Variants in NLGN1 observed in about 807,000 individuals in gnomAD.
NLGN1 encodes the protein neuroligin 1.
Under a neutral mutation model 65.5 loss-of-function variants are expected in NLGN1, and 12 were observed. That is an observed-to-expected ratio of 0.18 (90% confidence interval 0.12 to 0.30). The LOEUF (loss-of-function observed/expected upper bound fraction) is 0.30, where lower values mean the gene tolerates loss of function less well. Among genes scored for constraint, NLGN1 ranks in the 10% least tolerant of loss-of-function variants. The probability of loss-of-function intolerance (pLI) is 1.00; values close to 1 mark genes in which losing one functional copy is unlikely to be tolerated. For missense variants in NLGN1, 750 were observed against 1,007.1 expected, an observed-to-expected ratio of 0.74 and a Z score of 3.46; for synonymous variants, 350 against 359.5, an observed-to-expected ratio of 0.97 and a Z score of 0.30.
intron 4 of NLGN1, among the ~76,000 whole-genome samples, chr3:174,168,632 T>G (rs1176104039): frequency 1.3e-5 from 2 of 152,116 alleles, no homozygotes; most frequent in Non-Finnish European, 2.9e-5. Flanking sequence ...TACTTGATTC[T>G]TAGTTATTTG....
Position 173,940,630 on chromosome 3 carries a change from T to C in NLGN1, c.646+132798T>C, listed in dbSNP as rs1745919444. ...GTGCCAAAACAAGAATGAAGGAGTCTGACCCATCTGAGAACATTTGCACAT... is the reference window on the plus strand; with the variant it reads ...GTGCCAAAACAAGAATGAAGGAGTCCGACCCATCTGAGAACATTTGCACAT... On this transcript the variant is annotated intron_variant, in intron 4 of 6. Transcript: ENST00000457714. Among the ~76,000 whole-genome samples, 5 of 152,314 alleles carry C rather than the reference T, an allele frequency of 3.3e-5. No individual in the cohort carries two copies. The South Asian group carries it at 1.0e-3, about 32-fold the overall frequency.
chr3:173,982,998 C>G (rs1442740166), intron 4 of NLGN1, among the ~76,000 whole-genome samples: 1 of 151,994 alleles, frequency 6.6e-6, no homozygotes, highest in Non-Finnish European at 1.5e-5. Flanking sequence ...CACATTTTTT[C>G]TCATAAAAAA....
At chr3:174,263,776 T>C (rs1244969556) in intron 4 of NLGN1, among the ~76,000 whole-genome samples, 1 of 151,892 alleles carries the variant, frequency 6.6e-6, no homozygotes, top group Non-Finnish European at 1.5e-5. Flanking sequence ...TTCTTCCTAG[T>C]CTTGATGGTC....
At chr3:173,516,121 T>A (rs1047355072) in intron 2 of NLGN1, among the ~76,000 whole-genome samples, 1 of 152,088 alleles carries the variant, frequency 6.6e-6, no homozygotes, top group Admixed American at 6.6e-5. Flanking sequence ...GAATGTACCA[T>A]CTTGGGTGCT....
chr3:173,675,452 A>G (rs566024782), intron 3 of NLGN1, among the ~76,000 whole-genome samples: 9 of 152,256 alleles, frequency 5.9e-5, no homozygotes, highest in African/African-American at 2.2e-4. Context: ...ATTAAAACAA[A>G]CAAACAAAGA....
chr3:174,025,624 G>A (rs1025217574), intron 4 of NLGN1, among the ~76,000 whole-genome samples: 5 of 152,026 alleles, frequency 3.3e-5, no homozygotes, highest in Non-Finnish European at 7.4e-5. Flanking sequence ...AAACTTGCTA[G>A]TAAATAGGAA....
chr3:173,887,951 A>C (rs987815949), intron 4 of NLGN1, among the ~76,000 whole-genome samples: 1 of 152,042 alleles, frequency 6.6e-6, no homozygotes, highest in Admixed American at 6.6e-5. Context: ...ACTTTAATTG[A>C]AACTTTCTAA....
At chr3:174,120,497 ACT>A (rs1406348236) in intron 4 of NLGN1, among the ~76,000 whole-genome samples, 2 of 150,518 alleles carry the variant, frequency 1.3e-5, no homozygotes, top group African/African-American at 2.5e-5. Flanking sequence ...ACAGAGCAAG[ACT>A]CTGTCTCAAA....
intron 3 of NLGN1, among the ~76,000 whole-genome samples, chr3:173,755,092 T>C (rs12637588): frequency 0.71 from 108,400 of 151,966 alleles, 39,587 homozygotes; most frequent in East Asian, 0.93. Context: ...ACAATATTTT[T>C]CTTAGAAAAG....
At chr3:173,510,762 G>A (rs983770048) in intron 2 of NLGN1, among the ~76,000 whole-genome samples, 11 of 152,088 alleles carry the variant, frequency 7.2e-5, no homozygotes, top group African/African-American at 1.4e-4. Context: ...AGATGAGAAG[G>A]CCCTAGAGAG....
At chr3:173,638,253 C>A (rs1048686089) in intron 3 of NLGN1, among the ~76,000 whole-genome samples, 5 of 149,946 alleles carry the variant, frequency 3.3e-5, no homozygotes, top group Admixed American at 6.7e-5. Context: ...TTTGATGTTC[C>A]AGGCTGAGGA....
chr3:174,187,615 G>T (rs1162756371), intron 4 of NLGN1, among the ~76,000 whole-genome samples: 1 of 152,018 alleles, frequency 6.6e-6, no homozygotes, highest in Non-Finnish European at 1.5e-5. Flanking sequence ...GAAAAGAAGA[G>T]TATCAACTAT....
intron 3 of NLGN1, among the ~76,000 whole-genome samples, chr3:173,642,690 C>T (rs888504304): frequency 2.6e-5 from 4 of 152,134 alleles, no homozygotes; most frequent in African/African-American, 7.2e-5. Flanking sequence ...ATTCAAAAGG[C>T]TTTGCAAACT....
At chr3:174,050,505 T>G (rs895249210) in intron 4 of NLGN1, among the ~76,000 whole-genome samples, 5 of 150,998 alleles carry the variant, frequency 3.3e-5, no homozygotes, top group African/African-American at 7.4e-5. Flanking sequence ...ATCACTTTCT[T>G]GTTTTCTCAA....
At chr3:173,750,580 G>A (rs562225067) in intron 3 of NLGN1, among the ~76,000 whole-genome samples, 4 of 152,150 alleles carry the variant, frequency 2.6e-5, no homozygotes, top group Admixed American at 6.6e-5. Context: ...AAGTAGTAGT[G>A]GATATGTATC....
intron 3 of NLGN1, among the ~76,000 whole-genome samples, chr3:173,754,840 AT>A (rs56718126): frequency 2.6e-5 from 4 of 151,784 alleles, no homozygotes; most frequent in Non-Finnish European, 4.4e-5. Context: ...GAAAGTCACT[AT>A]TTTTTTACCA....
At chr3:174,177,886 G>A (rs1729730617) in intron 4 of NLGN1, among the ~76,000 whole-genome samples, 1 of 152,020 alleles carries the variant, frequency 6.6e-6, no homozygotes, top group South Asian at 2.1e-4. Flanking sequence ...AGCCTAGACA[G>A]CAATACTGCC....
intron 1 of NLGN1, among the ~76,000 whole-genome samples, chr3:173,404,875 A>G (rs1036303862): frequency 2.6e-5 from 4 of 152,154 alleles, no homozygotes; most frequent in Non-Finnish European, 5.9e-5. Flanking sequence ...AGAACACTGC[A>G]TTTTATTCAC....
At chr3:173,572,532 CTTG>C (rs1394294737) in intron 2 of NLGN1, among the ~76,000 whole-genome samples, 2 of 152,200 alleles carry the variant, frequency 1.3e-5, no homozygotes, top group East Asian at 1.9e-4. Flanking sequence ...GATGAAGAAT[CTTG>C]TTGTTACCAA....
Sources: gnomAD v4.1 joint callset for allele counts (sites outside exome capture counted in the v4.1 genomes callset) on GRCh38, gnomAD v4.1.1 for gene constraint, MANE v1.5 for transcripts, NCBI Gene and HGNC (gene_info 2026-07-23, HGNC 2026-07-21) for gene names.